KIAA1671: variants seen among roughly 807,000 people sequenced by gnomAD.
The protein encoded by KIAA1671 is uncharacterized protein KIAA1671.
In KIAA1671, 52 loss-of-function variants were observed where a neutral mutation model predicts 131.2. The ratio of observed to expected loss-of-function variants is 0.40; its 90% CI spans 0.32 to 0.50. The LOEUF is 0.50. KIAA1671 is among the 20% of genes least tolerant of loss of function. KIAA1671 has a pLI of 0.73. For synonymous variants in KIAA1671, 1,003 were observed against 961.6 expected (o/e 1.04, Z -0.80); for missense variants, 2,360 against 2,364.2 (o/e 1.00, Z 0.04).
intron 6 of KIAA1671, among the ~76,000 whole-genome samples, chr22:25,109,050 GAGA>G (rs1204285796): frequency 6.6e-6 from 1 of 152,070 alleles, no homozygotes; most frequent in African/African-American, 2.4e-5. Context: ...TATGACCTCA[GAGA>G]AGAAGGTAGA....
At chr22:25,120,801 A>G (rs1931898345) in intron 6 of KIAA1671, among the ~76,000 whole-genome samples, 3 of 152,254 alleles carry the variant, frequency 2.0e-5, no homozygotes, top group South Asian at 4.1e-4. Flanking sequence ...TCTTTATGAC[A>G]CTTTTAATGC....
rs140795305 is a variant in KIAA1671, at chr22:25,177,590, A to G, written c.5074+68A>G. The G allele has an allele frequency of 1.0e-3, 1,449 of 1,381,316 alleles. 2 individuals carry two copies. The highest frequency in any genetic ancestry group is 2.9e-3 in the Admixed American group (106 of 37,098). 85.6% of individuals were successfully genotyped at this position (1,381,316 alleles called of 1,614,324 possible). On this transcript the variant is annotated intron_variant, in intron 9 of 12. Coordinates refer to ENST00000358431, the MANE Select transcript of KIAA1671 (RefSeq NM_001145206.2). Reference sequence around the variant, plus strand: ...GCAGGAAGGATTTAGACTAAGCCCTATGAAAAAATTCCTGACTTGGAAGGC... The same window carrying G: ...GCAGGAAGGATTTAGACTAAGCCCTGTGAAAAAATTCCTGACTTGGAAGGC...
chr22:25,071,196 G>T (rs181342830), intron 6 of KIAA1671, among the ~76,000 whole-genome samples: 3 of 152,334 alleles, frequency 2.0e-5, no homozygotes, highest in African/African-American at 7.2e-5. Context: ...TCATGGGCTG[G>T]TCTCAGAGTT....
chr22:24,999,219 T>C (rs1274228372), intron 1 of KIAA1671, among the ~76,000 whole-genome samples: 1 of 152,070 alleles, frequency 6.6e-6, no homozygotes, highest in African/African-American at 2.4e-5. Context: ...TTATAATCAA[T>C]ATAGTGTATA....
At chr22:25,035,584 G>C (rs1296294089) in intron 4 of KIAA1671, among the ~76,000 whole-genome samples, 4 of 152,110 alleles carry the variant, frequency 2.6e-5, no homozygotes, top group Non-Finnish European at 4.4e-5. Flanking sequence ...TTTTATTGTT[G>C]CATTTTCTGA....
intron 1 of KIAA1671, among the ~76,000 whole-genome samples, chr22:24,988,107 T>A (rs1184488428): frequency 5.9e-5 from 9 of 151,914 alleles, no homozygotes; most frequent in Admixed American, 2.0e-4. Context: ...GAAACCCCGT[T>A]TCTACTAAAA....
intron 6 of KIAA1671, among the ~76,000 whole-genome samples, chr22:25,158,619 G>T (rs1378783905): frequency 1.3e-5 from 2 of 152,158 alleles, no homozygotes; most frequent in Admixed American, 6.5e-5. Flanking sequence ...CTGGACCAAG[G>T]AGTACTTCCT....
intron 1 of KIAA1671, chr22:25,014,881 G>A (rs187116267): frequency 2.0e-5 from 3 of 152,244 alleles, no homozygotes; most frequent in Admixed American, 6.5e-5. Flanking sequence ...CTCTCAGGAG[G>A]CTAAGATCTC....
intron 1 of KIAA1671, among the ~76,000 whole-genome samples, chr22:24,967,581 G>T (rs996689844): frequency 1.3e-5 from 2 of 152,206 alleles, no homozygotes; most frequent in African/African-American, 4.8e-5. Context: ...CCTGGCCTCC[G>T]CCCTCAAGGA....
intron 1 of KIAA1671, among the ~76,000 whole-genome samples, chr22:25,000,947 A>AT (rs1478887596): frequency 6.6e-6 from 1 of 151,058 alleles, no homozygotes; most frequent in East Asian, 1.9e-4. Context: ...CCCTCATTGT[A>AT]TTTTTGTGTT....
chr22:25,016,507 A>C (rs1435926422), intron 1 of KIAA1671, among the ~76,000 whole-genome samples: 2 of 152,226 alleles, frequency 1.3e-5, no homozygotes, highest in African/African-American at 4.8e-5. Context: ...AAACCTGCTC[A>C]ACCTCTTGTG....
chr22:25,000,436 G>T lies in KIAA1671; in HGVS notation c.-207-25197G>T, dbSNP rs113771136. ...TCTCGATCTCCTGACCTCGTGATCC[G>T]CCCGCCTCGGCCTCCCAAAGTGCTG... On this transcript the variant is annotated intron_variant, in intron 1 of 12. Coordinates refer to ENST00000358431, the MANE Select transcript of KIAA1671 (RefSeq NM_001145206.2). 1.4e-4 allele frequency among the ~76,000 whole-genome samples: 12 copies of T among 88,640 alleles called. 3 individuals are homozygous for T. The highest frequency in any genetic ancestry group is 2.5e-4 in the Non-Finnish European group (11 of 43,812). The allele number at this position is 88,640 out of a possible 152,430, so 58.2% of individuals were successfully genotyped here.
chr22:25,042,463 GT>G (rs3063202), intron 5 of KIAA1671, among the ~76,000 whole-genome samples: 74 of 104,884 alleles, frequency 7.1e-4, no homozygotes, highest in East Asian at 1.4e-3. Context: ...GCAGTCCCTT[GT>G]TTTTTTTTTT....
At chr22:25,174,150 G>A in intron 7 of KIAA1671, 90 bp from the exon 8 acceptor site, 4 of 1,389,148 alleles carry the variant, frequency 2.9e-6, no homozygotes, top group Non-Finnish European at 3.9e-6. Context: ...CATAACCCAA[G>A]CTATGCTGCC....
chr22:25,028,342 G>A lies in KIAA1671; in HGVS notation c.343G>A (p.Gly115Arg). Residue 115 changes from glycine to arginine, a missense_variant, in exon 3 of 13, where the codon GGG becomes AGG. By Grantham distance (125) the Gly-to-Arg change is moderately radical. Around this residue, in one of 3 missense-constraint regions of KIAA1671, gnomAD observed 1,185 missense variants for 1,126.2 expected, o/e 1.05. Transcript: ENST00000358431. ...GGACAACAGGATGCCCGGCTTGGTG[G>A]GGCAGGAGGTGGGCAGTGGGGAGGG... ...DLDNRMPGLV[G>R]QEVGSGEGPR... 3.2e-6 allele frequency: 5 copies of A among 1,550,806 alleles called. No homozygotes were observed. The highest frequency in any genetic ancestry group is 4.4e-6 in the Non-Finnish European group (5 of 1,146,988).
At chr22:25,174,964 T>A (rs549767112) in intron 8 of KIAA1671, 2 of 153,350 alleles carry the variant, frequency 1.3e-5, no homozygotes, top group African/African-American at 4.8e-5. Context: ...TCCGACTGTC[T>A]CTGTAGTGGC....
chr22:25,183,011 C>G (rs1166778978), intron 10 of KIAA1671, among the ~76,000 whole-genome samples: 1 of 152,178 alleles, frequency 6.6e-6, no homozygotes, highest in Non-Finnish European at 1.5e-5. Flanking sequence ...TCACAAGTGT[C>G]TCTCATAGTC....
chr22:25,166,111 C>T (rs941796905), intron 6 of KIAA1671, among the ~76,000 whole-genome samples: 9 of 152,192 alleles, frequency 5.9e-5, no homozygotes, highest in African/African-American at 1.9e-4. Context: ...GGAGGTCCCT[C>T]GGAAGCTGCC....
At chr22:25,033,707 T>C (rs1197081011) in intron 4 of KIAA1671, among the ~76,000 whole-genome samples, 1 of 149,130 alleles carries the variant, frequency 6.7e-6, no homozygotes, top group East Asian at 2.1e-4. Context: ...GCCTCCCAAG[T>C]AGCTGGGACT....
Sources: gnomAD v4.1 joint callset for allele counts (sites outside exome capture counted in the v4.1 genomes callset) on GRCh38, gnomAD v4.1.1 for gene constraint, gnomAD v4.1.1 regional missense constraint, MANE v1.5 for transcripts, NCBI Gene and HGNC (gene_info 2026-07-23, HGNC 2026-07-21) for gene names.